BIN2: variants seen among roughly 807,000 people sequenced by gnomAD.
The protein encoded by BIN2 is breast cancer associated protein BRAP1.
In BIN2, 43 loss-of-function variants were observed where a neutral mutation model predicts 67.9. That is an observed-to-expected ratio of 0.63 (90% CI 0.50 to 0.82). BIN2 has a LOEUF of 0.82. Ranked by LOEUF, BIN2 falls within the 40% of genes least tolerant of loss-of-function variation. The pLI, the probability that BIN2 is intolerant of heterozygous loss-of-function variation, is 0.00. For missense variants in BIN2, 581 were observed against 671.6 expected (o/e 0.87, Z 1.49); for synonymous variants, 244 against 246.8 (o/e 0.99, Z 0.11).
intron 11 of BIN2, among the ~76,000 whole-genome samples, chr12:51,287,815 C>A (rs1437249205): frequency 1.3e-5 from 2 of 151,882 alleles, no homozygotes; most frequent in African/African-American, 4.8e-5. Flanking sequence ...CCACACCCGG[C>A]TAATTTTTTG....
intron 1 of BIN2, chr12:51,322,896 A>T (rs1464522516): frequency 6.6e-6 from 1 of 152,104 alleles, no homozygotes; most frequent in East Asian, 1.9e-4. Context: ...TCTACATTCC[A>T]TCAGTTTTCT....
intron 12 of BIN2, among the ~76,000 whole-genome samples, chr12:51,283,934 G>A (rs1002002242): frequency 8.0e-5 from 12 of 150,894 alleles, no homozygotes; most frequent in Admixed American, 1.3e-4. Context: ...CCAAGGCTGC[G>A]GTGAGCCGAG....
chr12:51,305,594 A>G (rs926829373), intron 2 of BIN2, among the ~76,000 whole-genome samples: 1 of 150,392 alleles, frequency 6.6e-6, no homozygotes, highest in Admixed American at 6.7e-5. Context: ...ACTGTACTCC[A>G]CCCTGGGCAA....
intron 1 of BIN2, among the ~76,000 whole-genome samples, chr12:51,320,178 G>A (rs1159267490): frequency 1.3e-5 from 2 of 151,770 alleles, no homozygotes; most frequent in Non-Finnish European, 2.9e-5. Flanking sequence ...ATGGGATTTC[G>A]CCACATTGGC....
At position 51,321,658 on chromosome 12, in the gene BIN2, CAA is replaced by C. The variant is rs570046694; in HGVS notation, c.81+2362_81+2363del. 4.8e-3 allele frequency among the ~76,000 whole-genome samples: 725 copies of C among 152,286 alleles called. 8 individuals are homozygous for C. Among genetic ancestry groups the C allele is most frequent in the South Asian group, 9.5e-3 (46 of 4,830 alleles). On this transcript the variant is annotated intron_variant, in intron 1 of 12. Transcript: ENST00000615107. ...AGGAGATCCACCTGCCTGGGCCTCCCAAAGTGCTGGGATTACAGGCGTGAGCC... is the reference window on the plus strand; with the variant it reads ...AGGAGATCCACCTGCCTGGGCCTCCCAGTGCTGGGATTACAGGCGTGAGCC...
At chr12:51,283,475 C>T (rs557664046) in intron 12 of BIN2, among the ~76,000 whole-genome samples, 145 of 151,872 alleles carry the variant, frequency 9.5e-4, no homozygotes, top group Admixed American at 1.7e-3. Context: ...TGTATGTTTG[C>T]GTGTTTTTAT....
chr12:51,319,436 C>T lies in BIN2; in HGVS notation c.81+4586G>A, dbSNP rs531270121. ...ACTGTGTCATGGGTGTTCTTCCCAA[C>T]GAAAGACCCTTGAGGGAACAGGGTG... On this transcript the variant is annotated intron_variant, in intron 1 of 12. Transcript: ENST00000615107. Among the ~76,000 whole-genome samples, 6 of 152,298 alleles carry T rather than the reference C, an allele frequency of 3.9e-5. No homozygotes were observed. In the South Asian group the frequency reaches 8.3e-4, roughly 21 times the overall value.
intron 12 of BIN2, among the ~76,000 whole-genome samples, chr12:51,282,170 A>G (rs1382587504): frequency 6.6e-6 from 1 of 152,132 alleles, no homozygotes; most frequent in African/African-American, 2.4e-5. Context: ...ATACTTGCCT[A>G]ATTCATGGCT....
intron 2 of BIN2, 125 bp from the exon 3 acceptor site, chr12:51,303,266 T>C (rs1193752750): frequency 1.2e-5 from 12 of 991,238 alleles, no homozygotes; most frequent in Non-Finnish European, 1.9e-5. Flanking sequence ...ATATTCACAA[T>C]TGTTATAAGT....
upstream of BIN2, chr12:51,324,599 C>G (rs1946383384): frequency 7.0e-7 from 1 of 1,425,360 alleles, no homozygotes; most frequent in Non-Finnish European, 9.3e-7. Flanking sequence ...GGCTCTAAGC[C>G]TGGAACTGGT....
At chr12:51,285,283 A>G (rs529139938) in intron 11 of BIN2, among the ~76,000 whole-genome samples, 4 of 152,168 alleles carry the variant, frequency 2.6e-5, no homozygotes, top group Non-Finnish European at 5.9e-5. Context: ...CCCAAGGTGT[A>G]GGAAGCCCAG....
rs117626194 is a variant in BIN2 at position 51,288,352 on chromosome 12, C to T, written c.1516-164G>A. Among the ~76,000 whole-genome samples, 863 of 152,224 alleles carry T rather than the reference C, an allele frequency of 5.7e-3. 3 individuals are homozygous for T. The highest frequency in any genetic ancestry group is 7.7e-3 in the Non-Finnish European group (527 of 68,008). The stretch of plus-strand genomic sequence containing the variant: ...TAGGGTGGTGTGATCTAACGAGTGT[C>T]AGAAATCTCACACACTTCTCCCGGA... On this transcript the variant is annotated intron_variant, in intron 10 of 12. Transcript: ENST00000615107.
chr12:51,284,304 C>T (rs746053208), intron 12 of BIN2, among the ~76,000 whole-genome samples: 6 of 152,174 alleles, frequency 3.9e-5, no homozygotes, highest in Non-Finnish European at 8.8e-5. Context: ...AGGTTTGCAG[C>T]CTAGAAGCAA....
chr12:51,319,962 C>CTTCCTTCT (rs1946225338), intron 1 of BIN2, among the ~76,000 whole-genome samples: 6 of 151,460 alleles, frequency 4.0e-5, no homozygotes, highest in East Asian at 1.9e-4. Context: ...TTTCTCTTTC[C>CTTCCTTCT]TTCCTTCCTT....
chr12:51,285,245 G>A (rs928451599), intron 11 of BIN2, among the ~76,000 whole-genome samples: 3 of 152,090 alleles, frequency 2.0e-5, no homozygotes, highest in African/African-American at 7.2e-5. Flanking sequence ...AATTTCTTTG[G>A]GAAAAATTTT....
rs552066606 is a variant in BIN2 at position 51,318,639 on chromosome 12, A to G, written c.82-4736T>C. Among the ~76,000 whole-genome samples, 12 of 152,304 alleles carry G rather than the reference A, an allele frequency of 7.9e-5. No homozygotes were observed. The East Asian group carries it at 2.3e-3, about 29-fold the overall frequency. On this transcript the variant is annotated intron_variant, in intron 1 of 12. Transcript: ENST00000615107. ...GGATAAGATCAAGCATTCTGGAGTT[A>G]GACAGATATGGGCTCCTATCTTGGC...
Position 51,287,780 on chromosome 12 carries a change from T to C in BIN2, c.1596+328A>G, listed in dbSNP as rs540732481. Among the ~76,000 whole-genome samples the C allele has an allele frequency of 4.6e-5, 7 of 151,604 alleles. No individual in the cohort carries two copies. In the South Asian group the frequency reaches 1.5e-3, roughly 32 times the overall value. On this transcript the variant is annotated intron_variant, in intron 11 of 12. Transcript: ENST00000615107. ...CATTCTCCTGCCTCAGCCTCCCGAG[T>C]AGCTGGGAATACAGGCACCCGCCAC...
chr12:51,302,876 C>T, intron 3 of BIN2, 96 bp from the exon 4 acceptor site: 1 of 1,242,138 alleles, frequency 8.1e-7, no homozygotes, highest in Admixed American at 1.7e-5. Flanking sequence ...TTCAGAAGGA[C>T]AAACTCAGAA....
rs373422728 is a variant in BIN2, at chr12:51,306,737, C to T, written c.163-3596G>A. Among the ~76,000 whole-genome samples the T allele has an allele frequency of 6.8e-4, 104 of 152,298 alleles. 1 individual carries two copies. The highest frequency in any genetic ancestry group is 2.4e-3 in the African/African-American group (100 of 41,568). Reference sequence around the variant, plus strand: ...TGGGTCACTGGTGACCATGAGAAAGCACTTTCAATAGCATATTGGAGACAG... The same window carrying T: ...TGGGTCACTGGTGACCATGAGAAAGTACTTTCAATAGCATATTGGAGACAG... On this transcript the variant is annotated intron_variant, in intron 2 of 12. Coordinates refer to ENST00000615107, the MANE Select transcript of BIN2 (RefSeq NM_016293.4).
Sources: allele counts gnomAD v4.1 joint callset (sites outside exome capture counted in the v4.1 genomes callset), GRCh38; gene constraint gnomAD v4.1.1; transcripts MANE v1.5; gene names NCBI Gene and HGNC (gene_info 2026-07-23, HGNC 2026-07-21).